The following ZNF823 variants were observed in gnomAD, a reference collection of about 807,000 sequenced individuals.
ZNF823 encodes ZFP 36 for a zinc finger protein.
ZNF823 carries 5 observed loss-of-function variants against 11.4 expected under a neutral mutation model. The observed-to-expected ratio is 0.44, with a 90% CI of 0.23 to 0.92. ZNF823 has a LOEUF of 0.92. Among genes scored for constraint, ZNF823 ranks in the 40% least tolerant of loss-of-function variants. The probability of loss-of-function intolerance (pLI) is 0.24; values close to 1 mark genes in which losing one functional copy is unlikely to be tolerated. For missense variants in ZNF823, 582 were observed against 738.5 expected, an observed-to-expected ratio of 0.79 and a Z score of 2.46; for synonymous variants, 234 against 250.5, an observed-to-expected ratio of 0.93 and a Z score of 0.62.
intron 1 of ZNF823, chr19:11,726,252 AT>A (rs1056001225): frequency 1.4e-5 from 2 of 147,208 alleles, no homozygotes; most frequent in African/African-American, 4.9e-5. Context: ...GTCTCAAAAA[AT>A]ATAATAAAAG....
At chr19:11,737,073 T>A (rs925705170) in intron 1 of ZNF823, among the ~76,000 whole-genome samples, 1 of 152,062 alleles carries the variant, frequency 6.6e-6, no homozygotes, top group Non-Finnish European at 1.5e-5. Flanking sequence ...CACTAGACAC[T>A]ACAAAAGACT....
rs773369822 is a variant in ZNF823 at position 11,722,924 on chromosome 19, G to C, written c.610C>G (p.Pro204Ala). Residue 204 changes from proline to alanine, a missense_variant, in exon 4 of 4, where the codon CCC becomes GCC. Transcript: ENST00000341191. This position sits in a 1 kb window ranked among gnomAD's most constrained non-coding sequence, Gnocchi z 5.2. ...CTTTCGTGCAAATGAAATAAACTGG[G>C]CCAAACAAAGGCTTTCCCACACAAC... ...CKLCGKAFVWPSLFHLHERTH... is the reference protein window; with the variant it reads ...CKLCGKAFVWASLFHLHERTH... 6.2e-7 allele frequency: 1 copy of C among 1,614,148 alleles called. No homozygotes were observed. Among genetic ancestry groups the C allele is most frequent in the South Asian group, 1.1e-5 (1 of 91,078 alleles).
intron 1 of ZNF823, among the ~76,000 whole-genome samples, chr19:11,731,574 G>A (rs1974895587): frequency 6.6e-6 from 1 of 152,056 alleles, no homozygotes; most frequent in Non-Finnish European, 1.5e-5. Context: ...ATACCACCCA[G>A]AATTAACACA....
In ZNF823 at chr19:11,722,754, G is replaced by A; in HGVS notation, c.780C>T (p.Tyr260=). ...CKQCSKAFPD[Y]STYLRHERTH... ...TTCTCTCATGTCTTAGATAGGTACT[G>A]TAATCAGGAAAGGCTTTGGAACACT... Residue 260 remains tyrosine (Y), a synonymous_variant, in exon 4 of 4, where the codon TAC becomes TAT. Transcript: ENST00000341191. The surrounding 1 kb of genome is among the most constrained non-coding windows in gnomAD (Gnocchi z 5.2). The A allele has an allele frequency of 1.2e-6, 2 of 1,614,194 alleles. No individual in the cohort carries two copies. Among genetic ancestry groups the A allele is most frequent in the African/African-American group, 1.3e-5 (1 of 75,054 alleles).
chr19:11,734,517 G>A (rs1282300890), intron 1 of ZNF823, among the ~76,000 whole-genome samples: 1 of 152,138 alleles, frequency 6.6e-6, no homozygotes, highest in African/African-American at 2.4e-5. Flanking sequence ...GCTGGACTCA[G>A]TCTGAGCCAG....
At chr19:11,724,122 C>G (rs929293054) in intron 3 of ZNF823, 72 bp downstream of exon 3, 1 of 1,279,706 alleles carries the variant, frequency 7.8e-7, no homozygotes, top group East Asian at 2.5e-5. Context: ...TTTCTCTGCT[C>G]GTTTTTAAAA....
Position 11,722,017 on chromosome 19 carries a change from T to A in ZNF823, c.1517A>T (p.Lys506Ile). 1 of 1,614,142 alleles carries A rather than the reference T, an allele frequency of 6.2e-7. No homozygotes were observed. The highest frequency in any genetic ancestry group is 8.5e-7 in the Non-Finnish European group (1 of 1,180,032). ...EKPYECKTCR[K>I]AFSHFSNLKV... ...TAAGTTACTGAAATGACTGAAGGCT[T>A]TTCTACATGTTTTACACTCATAAGG... Residue 506 changes from lysine to isoleucine, a missense_variant, in exon 4 of 4, where the codon AAA becomes ATA. Transcript: ENST00000341191. The surrounding 1 kb of genome is among the most constrained non-coding windows in gnomAD (Gnocchi z 5.2).
intron 2 of ZNF823, among the ~76,000 whole-genome samples, chr19:11,724,755 T>C (rs1599701487): frequency 6.6e-6 from 1 of 151,276 alleles, no homozygotes; most frequent in African/African-American, 2.4e-5. Flanking sequence ...AGAGACGGGG[T>C]TTCACCATGT....
chr19:11,733,647 C>T (rs1042616243), intron 1 of ZNF823, among the ~76,000 whole-genome samples: 1 of 151,478 alleles, frequency 6.6e-6, no homozygotes, highest in Non-Finnish European at 1.5e-5. Context: ...TGCAGTGAGC[C>T]GAGATCATGC....
In ZNF823 at chr19:11,725,231, G is replaced by A. The variant is rs988653992; in HGVS notation, c.100C>T (p.Gln34Ter). The A allele has an allele frequency of 1.2e-5, 19 of 1,613,940 alleles. No individual in the cohort carries two copies. Among genetic ancestry groups the A allele is most frequent in the Non-Finnish European group, 1.6e-5 (19 of 1,179,910 alleles). ...CAGTCCAGGTTCCTAATGGTTTCCT[G>A]CATGACATTTCTGTAGAGACTCTTC... ...SQKSLYRNVMQETIRNLDCIE... is the reference protein window; with the variant it reads ...SQKSLYRNVM Residue 34 changes from glutamine (Q) to a stop codon, truncating the protein, a stop_gained, in exon 2 of 4, where the codon CAG (glutamine) becomes TAG (stop). Coordinates refer to ENST00000341191, the MANE Select transcript of ZNF823 (RefSeq NM_001080493.4). LOFTEE classifies it high-confidence loss of function.
chr19:11,733,377 A>G (rs530034160), intron 1 of ZNF823, among the ~76,000 whole-genome samples: 92 of 151,200 alleles, frequency 6.1e-4, no homozygotes, highest in Admixed American at 7.2e-4. Context: ...AAAAAAAAAA[A>G]AAAAAGAAAA....
In ZNF823 at chr19:11,722,980, G is replaced by C; in HGVS notation, c.554C>G (p.Ala185Gly). The C allele has an allele frequency of 6.2e-7, 1 of 1,614,206 alleles. No homozygotes were observed. The highest frequency in any genetic ancestry group is 8.5e-7 in the Non-Finnish European group (1 of 1,180,040). Reference protein sequence around the residue: ...SLGNLRRHMAAHHGDGPYKCK... With the variant: ...SLGNLRRHMAGHHGDGPYKCK... ...TTTATAAGGTCCATCTCCATGGTGTGCCGCCATGTGTCTTCGGAGGTTTCC... is the reference window on the plus strand; with the variant it reads ...TTTATAAGGTCCATCTCCATGGTGTCCCGCCATGTGTCTTCGGAGGTTTCC... Residue 185 changes from alanine to glycine, a missense_variant, in exon 4 of 4, where the codon GCA (alanine) becomes GGA (glycine). Physicochemically the swap from Ala to Gly is moderately conservative, Grantham distance 60 (BLOSUM62 0). This residue lies in a region of ZNF823 where 429 missense variants were observed against 553.7 expected (regional missense o/e 0.77). Coordinates refer to ENST00000341191, the MANE Select transcript of ZNF823 (RefSeq NM_001080493.4). The surrounding 1 kb of genome is among the most constrained non-coding windows in gnomAD (Gnocchi z 5.2).
chr19:11,724,814 C>A (rs1300868576), intron 2 of ZNF823, among the ~76,000 whole-genome samples: 4 of 152,066 alleles, frequency 2.6e-5, no homozygotes, highest in Non-Finnish European at 5.9e-5. Flanking sequence ...CCCGCCTCGG[C>A]CTCCCAAAGT....
At chr19:11,729,221 A>G (rs958450035) in intron 1 of ZNF823, among the ~76,000 whole-genome samples, 1 of 152,024 alleles carries the variant, frequency 6.6e-6, no homozygotes, top group African/African-American at 2.4e-5. Context: ...CAATGTGTAC[A>G]TGAAAACCAT....
chr19:11,726,287 C>CATATACATATATATATATATATATATAT lies in ZNF823; in HGVS notation c.4-961_4-960insATATATATATATATATATATATGTATAT, dbSNP rs1555766612. Among the ~76,000 whole-genome samples, 722 of 111,734 alleles carry CATATACATATATATATATATATATATAT rather than the reference C, an allele frequency of 6.5e-3. 15 individuals are homozygous for CATATACATATATATATATATATATATAT. The highest frequency in any genetic ancestry group is 0.014 in the East Asian group (46 of 3,398). 73.3% of individuals were successfully genotyped at this position (111,734 alleles called of 152,430 possible). A position where few individuals can be genotyped will look rare whatever the true frequency, so the allele number is the denominator to read the frequency against. The stretch of plus-strand genomic sequence containing the variant: ...AGTAAAAAACAAAAAATAAAAAATA[C>CATATACATATATATATATATATATATAT]ATATATATATATATATATATAAATT... On this transcript the variant is annotated intron_variant, in intron 1 of 3. Coordinates refer to ENST00000341191, the MANE Select transcript of ZNF823 (RefSeq NM_001080493.4).
chr19:11,736,669 A>C (rs1167216450), intron 1 of ZNF823, among the ~76,000 whole-genome samples: 1 of 152,264 alleles, frequency 6.6e-6, no homozygotes, highest in African/African-American at 2.4e-5. Flanking sequence ...GCAGTTAATA[A>C]AAAGCTGAAA....
chr19:11,729,939 TTC>T (rs1974862515), intron 1 of ZNF823, among the ~76,000 whole-genome samples: 1 of 151,900 alleles, frequency 6.6e-6, no homozygotes, highest in African/African-American at 2.4e-5. Context: ...TTTTTTTTTT[TTC>T]CTTTGAGACG....
chr19:11,738,733 A>T, intron 1 of ZNF823, 84 bp downstream of exon 1: 11 of 1,485,162 alleles, frequency 7.4e-6, no homozygotes, highest in Middle Eastern at 1.8e-4. Context: ...GCCCAGGGCG[A>T]GGCCCGGGTC....
chr19:11,731,868 G>T (rs1218863443), intron 1 of ZNF823, among the ~76,000 whole-genome samples: 2 of 152,012 alleles, frequency 1.3e-5, no homozygotes, highest in Non-Finnish European at 2.9e-5. Context: ...AATTAGCCAT[G>T]CATGGTGGCG....
Sources: gnomAD v4.1 joint callset for allele counts (sites outside exome capture counted in the v4.1 genomes callset) on GRCh38, gnomAD v4.1.1 for gene constraint, gnomAD v4.1.1 regional missense constraint, Gnocchi (gnomAD v3.1) non-coding constraint, MANE v1.5 for transcripts, NCBI Gene and HGNC (gene_info 2026-07-23, HGNC 2026-07-21) for gene names.